The following SPATS1 variants were observed in gnomAD, a reference collection of about 807,000 sequenced individuals.
SPATS1 encodes spermatogenesis associated serine rich 1.
Under a neutral mutation model 33.6 loss-of-function variants are expected in SPATS1, and 23 were observed. The ratio of observed to expected loss-of-function variants is 0.68; its 90% CI spans 0.49 to 0.97. SPATS1 has a LOEUF of 0.97. Among genes scored for constraint, SPATS1 ranks in the 50% least tolerant of loss-of-function variants. SPATS1 has a pLI of 0.00. For missense variants in SPATS1, 327 were observed against 361.0 expected (o/e 0.91, Z 0.76); for synonymous variants, 131 against 125.6 (o/e 1.04, Z -0.29).
At chr6:44,368,607 T>C (rs1789390109) in intron 6 of SPATS1, 108 bp downstream of exon 6, 2 of 1,082,552 alleles carry the variant, frequency 1.8e-6, no homozygotes, top group Non-Finnish European at 1.3e-6. Flanking sequence ...CAAGATGTGA[T>C]TGGATGAAAA....
intron 5 of SPATS1, among the ~76,000 whole-genome samples, chr6:44,367,602 T>C (rs968393413): frequency 6.6e-6 from 1 of 152,220 alleles, no homozygotes; most frequent in Non-Finnish European, 1.5e-5. Context: ...GAGGTCATGC[T>C]TCCAGCCACG....
At chr6:44,361,436 C>G (rs1266022029) in intron 4 of SPATS1, 1 of 985,340 alleles carries the variant, frequency 1.0e-6, no homozygotes, top group Non-Finnish European at 1.2e-6. Context: ...GTGGATGGCA[C>G]TGGCCTAGCC....
Position 44,370,092 on chromosome 6 carries a change from A to G in SPATS1, c.737A>G (p.Glu246Gly). Reference sequence around the variant, plus strand: ...AAATTTGATACATTTATTCCACTTGAGCCTCTTCCACAAATTCCCAAGTGA... The same window carrying G: ...AAATTTGATACATTTATTCCACTTGGGCCTCTTCCACAAATTCCCAAGTGA... ...EKKFDTFIPL[E>G]PLPQIPNLPF... The change falls in exon 7 of 9, where the codon GAG becomes GGG. Residue 246 changes from glutamate to glycine, a missense_variant. Transcript: ENST00000674044. The G allele has an allele frequency of 1.2e-6, 2 of 1,612,422 alleles. No homozygotes were observed. The highest frequency in any genetic ancestry group is 1.7e-6 in the Non-Finnish European group (2 of 1,178,872).
At chr6:44,347,885 A>G (rs2153365076) in intron 2 of SPATS1, among the ~76,000 whole-genome samples, 1 of 152,118 alleles carries the variant, frequency 6.6e-6, no homozygotes, top group South Asian at 2.1e-4. Flanking sequence ...TATAAATTAT[A>G]CTCCATGGCT....
intron 3 of SPATS1, among the ~76,000 whole-genome samples, chr6:44,354,048 A>AC (rs1013884701): frequency 2.0e-5 from 3 of 148,500 alleles, no homozygotes; most frequent in African/African-American, 7.4e-5. Context: ...AAAAAAAAAA[A>AC]AAAAACAAAA....
intron 5 of SPATS1, among the ~76,000 whole-genome samples, chr6:44,364,788 C>CTT (rs1554153597): frequency 7.0e-6 from 1 of 143,556 alleles, no homozygotes; most frequent in African/African-American, 2.6e-5. Flanking sequence ...CTTTTCTTTT[C>CTT]TCTTTCTTTC....
intron 7 of SPATS1, among the ~76,000 whole-genome samples, chr6:44,376,084 C>A (rs1160511444): frequency 6.6e-6 from 1 of 151,016 alleles, no homozygotes; most frequent in African/African-American, 2.4e-5. Context: ...CCAGCCTGGG[C>A]GATGGAGTGA....
Position 44,379,654 on chromosome 6 carries a change from C to T in SPATS1, c.*2591C>T, listed in dbSNP as rs1316358323. On this transcript the variant is annotated 3_prime_UTR_variant, in exon 9 of 9. Transcript: ENST00000674044. ...AAAGAAAGAAAGAAAGAAAAACAAC[C>T]AAAATACAGTTTTAGAAGGTTTGGA... Among the ~76,000 whole-genome samples, 1 of 139,822 alleles carries T rather than the reference C, an allele frequency of 7.2e-6. No individual in the cohort carries two copies. The highest frequency in any genetic ancestry group is 1.6e-5 in the Non-Finnish European group (1 of 63,634). The allele number at this position is 139,822 out of a possible 152,430, so 91.7% of individuals were successfully genotyped here. A position where few individuals can be genotyped will look rare whatever the true frequency, so the allele number is the denominator to read the frequency against.
chr6:44,351,138 AAAAAAAG>A (rs1284268312), intron 2 of SPATS1, among the ~76,000 whole-genome samples: 9 of 150,230 alleles, frequency 6.0e-5, no homozygotes, highest in African/African-American at 1.5e-4. Context: ...AAAAAAAAAA[AAAAAAAG>A]AAAAAAGAAA....
intron 7 of SPATS1, among the ~76,000 whole-genome samples, chr6:44,370,864 C>T (rs970426996): frequency 2.0e-5 from 3 of 152,082 alleles, no homozygotes; most frequent in Non-Finnish European, 2.9e-5. Flanking sequence ...TAGCAATTGC[C>T]TACATTTCAT....
At chr6:44,342,896 G>A in intron 1 of SPATS1, 128 bp downstream of exon 1, 1 of 1,278,666 alleles carries the variant, frequency 7.8e-7, no homozygotes, top group Non-Finnish European at 1.1e-6. Flanking sequence ...CGGGCTGGGG[G>A]CGGACTCGCT....
chr6:44,376,925 T>G (rs1282025758), intron 8 of SPATS1, 110 bp from the exon 9 acceptor site: 1 of 1,201,350 alleles, frequency 8.3e-7, no homozygotes. Flanking sequence ...TGTCCCGAGG[T>G]GGTCTCATGG....
At position 44,342,849 on chromosome 6, in the gene SPATS1, C is replaced by T. The variant is rs1583073624; in HGVS notation, c.-1+81C>T. On this transcript the variant is annotated intron_variant, in intron 1 of 8. Coordinates refer to ENST00000674044, the MANE Select transcript of SPATS1 (RefSeq NM_001372081.1). ...AGACCCCGAGGTGGAAAAGAAGGAGCACCTTGAGCTGGATGGGGGCTGCAG... is the reference window on the plus strand; with the variant it reads ...AGACCCCGAGGTGGAAAAGAAGGAGTACCTTGAGCTGGATGGGGGCTGCAG... 4 of 1,228,122 alleles carry T rather than the reference C, an allele frequency of 3.3e-6. No individual in the cohort carries two copies. In the East Asian group the frequency reaches 9.5e-5, roughly 29 times the overall value. The allele number at this position is 1,228,122 out of a possible 1,614,324, so 76.1% of individuals were successfully genotyped here.
At chr6:44,345,028 C>T (rs975727073) in intron 2 of SPATS1, among the ~76,000 whole-genome samples, 9 of 152,008 alleles carry the variant, frequency 5.9e-5, no homozygotes, top group African/African-American at 1.7e-4. Context: ...GGGAGCTGGG[C>T]GTGGAGAAGT....
chr6:44,353,187 G>A (rs1788345856), intron 3 of SPATS1, among the ~76,000 whole-genome samples: 1 of 152,196 alleles, frequency 6.6e-6, no homozygotes, highest in African/African-American at 2.4e-5. Context: ...GTAAGTGCTT[G>A]CTATTACGAA....
At chr6:44,355,660 A>G (rs551532652) in intron 3 of SPATS1, among the ~76,000 whole-genome samples, 4 of 152,312 alleles carry the variant, frequency 2.6e-5, no homozygotes, top group African/African-American at 9.6e-5. Context: ...CTAGAAATGG[A>G]TTTATTCAGT....
intron 2 of SPATS1, among the ~76,000 whole-genome samples, chr6:44,350,356 G>GT (rs1788162295): frequency 1.3e-5 from 2 of 152,232 alleles, no homozygotes; most frequent in Non-Finnish European, 1.5e-5. Flanking sequence ...ACTGCCAAAC[G>GT]TGAGCCTAAA....
intron 5 of SPATS1, among the ~76,000 whole-genome samples, chr6:44,366,738 A>G (rs967081607): frequency 6.6e-6 from 1 of 152,222 alleles, no homozygotes; most frequent in Non-Finnish European, 1.5e-5. Flanking sequence ...CCTCCAGATT[A>G]AAAAATAATT....
intron 5 of SPATS1, among the ~76,000 whole-genome samples, chr6:44,366,913 T>G (rs1909887): frequency 0.71 from 108,558 of 152,022 alleles, 39,102 homozygotes; most frequent in Middle Eastern, 0.77. Flanking sequence ...AAAGGCTTAG[T>G]AAGGTTAAAT....
Sources: allele counts gnomAD v4.1 joint callset (sites outside exome capture counted in the v4.1 genomes callset), GRCh38; gene constraint gnomAD v4.1.1; transcripts MANE v1.5; gene names NCBI Gene and HGNC (gene_info 2026-07-23, HGNC 2026-07-21).